TREH: variants seen among roughly 807,000 people sequenced by gnomAD.
TREH encodes trehalase.
In TREH, 69 loss-of-function variants were observed where a neutral mutation model predicts 80.5. The ratio of observed to expected loss-of-function variants is 0.86; its 90% CI spans 0.71 to 1.05. The LOEUF is 1.05. TREH is among the 50% of genes least tolerant of loss of function. The pLI, the probability that TREH is intolerant of heterozygous loss-of-function variation, is 0.00. For synonymous variants in TREH, 309 were observed against 293.5 expected, an observed-to-expected ratio of 1.05 and a Z score of -0.54; for missense variants, 716 against 718.8, an observed-to-expected ratio of 1.00 and a Z score of 0.04.
Position 118,658,143 on chromosome 11 carries a change from A to G in TREH, c.*146T>C, listed in dbSNP as rs1555143415. ...CCAGGAGGGAGCTAGGCCCCTACCC[A>G]TGACCTCCAGGTCGTGACCCTGCCC... is the stretch of plus-strand genomic sequence containing the variant. On this transcript the variant is annotated 3_prime_UTR_variant, in exon 15 of 15. Coordinates refer to ENST00000264029, the MANE Select transcript of TREH (RefSeq NM_007180.3). 2 of 1,165,902 alleles carry G rather than the reference A, an allele frequency of 1.7e-6. No individual in the cohort carries two copies. Among genetic ancestry groups the G allele is most frequent in the Admixed American group, 2.7e-5 (1 of 36,880 alleles). The allele number at this position is 1,165,902 out of a possible 1,614,324, so 72.2% of individuals were successfully genotyped here. A position where few individuals can be genotyped will look rare whatever the true frequency, so the allele number is the denominator to read the frequency against.
intron 4 of TREH, 138 bp downstream of exon 4, chr11:118,662,743 T>G: frequency 2.2e-6 from 2 of 929,900 alleles, no homozygotes; most frequent in Non-Finnish European, 3.3e-6. Flanking sequence ...AGGGCCTCTA[T>G]TTGGGGACCC....
rs554810946 is a variant in TREH at position 118,661,316 on chromosome 11, G to A, written c.735-34C>T. 5.1e-5 allele frequency: 83 copies of A among 1,613,804 alleles called. No homozygotes were observed. The highest frequency in any genetic ancestry group is 3.3e-4 in the Admixed American group (20 of 60,010). On this transcript the variant is annotated intron_variant, in intron 7 of 14. Coordinates refer to ENST00000264029, the MANE Select transcript of TREH (RefSeq NM_007180.3). This position sits in a 1 kb window ranked among gnomAD's most constrained non-coding sequence, Gnocchi z 4.2. ...AAGCAGACAACACCTCAGCCCAGGC[G>A]TGCTGCCCATCCCCAGCCCTGAGAG...
chr11:118,658,834 C>T, intron 13 of TREH, 71 bp downstream of exon 13: 1 of 1,607,804 alleles, frequency 6.2e-7, no homozygotes, highest in Middle Eastern at 1.7e-4. Flanking sequence ...GCCTGCCCAG[C>T]AGCCCCTGCA....
In TREH at chr11:118,662,932, C is replaced by A. The variant is rs781937203; in HGVS notation, c.372G>T (p.Leu124=). The A allele has an allele frequency of 3.1e-6, 5 of 1,610,868 alleles. No homozygotes were observed. The Admixed American group carries it at 5.0e-5, about 16-fold the overall frequency. ...GATGCAGCTGCCCTGCCCAGGCACGCAGTTTGGCATCTGAAATCTTCTGCA... is the reference window on the plus strand; with the variant it reads ...GATGCAGCTGCCCTGCCCAGGCACGAAGTTTGGCATCTGAAATCTTCTGCA... ...QFLQKISDAK[L]RAWAGQLHQL... is the part of the protein sequence containing the mutation. The change falls in exon 4 of 15, where the codon CTG becomes CTT. Residue 124 remains leucine (L), a synonymous_variant. Transcript: ENST00000264029.
intron 1 of TREH, among the ~76,000 whole-genome samples, chr11:118,678,452 A>C (rs7481249): frequency 0.99 from 151,100 of 151,968 alleles, 75,122 homozygotes; most frequent in Middle Eastern, 1. Flanking sequence ...CAACCTCCAC[A>C]TCCCAAGTTC....
chr11:118,677,056 A>G (rs1555146940), intron 1 of TREH, among the ~76,000 whole-genome samples: 1 of 152,266 alleles, frequency 6.6e-6, no homozygotes, highest in Non-Finnish European at 1.5e-5. Flanking sequence ...ATGCTGCCTG[A>G]TAAGTCTTTG....
chr11:118,677,401 T>C (rs1436683827), intron 1 of TREH, among the ~76,000 whole-genome samples: 1 of 152,224 alleles, frequency 6.6e-6, no homozygotes, highest in African/African-American at 2.4e-5. Context: ...TCACCTTTGA[T>C]GGCTTTAACA....
chr11:118,666,038 C>T (rs1329839633), intron 1 of TREH, among the ~76,000 whole-genome samples: 1 of 152,170 alleles, frequency 6.6e-6, no homozygotes, highest in Non-Finnish European at 1.5e-5. Context: ...GAGATCAAGA[C>T]CATCCTGGCC....
intron 1 of TREH, among the ~76,000 whole-genome samples, chr11:118,672,931 G>C (rs1217887923): frequency 7.9e-5 from 12 of 151,962 alleles, no homozygotes; most frequent in African/African-American, 2.9e-4. Context: ...AAAGAAAATG[G>C]TATAGTCATA....
At chr11:118,665,080 G>C (rs1949363883) in intron 1 of TREH, among the ~76,000 whole-genome samples, 1 of 151,684 alleles carries the variant, frequency 6.6e-6, no homozygotes, top group African/African-American at 2.4e-5. Flanking sequence ...CTGCAATCCA[G>C]CTTGGGCAAC....
At chr11:118,660,400 T>C in intron 10 of TREH, 139 bp downstream of exon 10, 1 of 813,228 alleles carries the variant, frequency 1.2e-6, no homozygotes, top group Non-Finnish European at 1.9e-6. Context: ...CAAATGTGAG[T>C]GCAGGCTTCC....
chr11:118,675,664 C>T (rs921864202), intron 1 of TREH, among the ~76,000 whole-genome samples: 5 of 152,126 alleles, frequency 3.3e-5, no homozygotes, highest in African/African-American at 1.2e-4. Context: ...CCTCCTGGCT[C>T]ATCAATGTGT....
Position 118,658,092 on chromosome 11 carries a change from G to A in TREH, c.*197C>T, listed in dbSNP as rs540950810. Reference sequence around the variant, plus strand: ...CTTGGGGATAGGTCTTCCCTCCAGAGCAGGATTTCCACCCTATTCAAGGTT... The same window carrying A: ...CTTGGGGATAGGTCTTCCCTCCAGAACAGGATTTCCACCCTATTCAAGGTT... On this transcript the variant is annotated 3_prime_UTR_variant, in exon 15 of 15. Coordinates refer to ENST00000264029, the MANE Select transcript of TREH (RefSeq NM_007180.3). The A allele has an allele frequency of 6.9e-6, 5 of 721,168 alleles. No individual in the cohort carries two copies. In the African/African-American group the frequency reaches 8.9e-5, roughly 13 times the overall value. The allele number at this position is 721,168 out of a possible 1,614,324, so 44.7% of individuals were successfully genotyped here. A position where few individuals can be genotyped will look rare whatever the true frequency, so the allele number is the denominator to read the frequency against.
At chr11:118,678,259 G>T (rs182518562) in intron 1 of TREH, among the ~76,000 whole-genome samples, 5 of 152,026 alleles carry the variant, frequency 3.3e-5, no homozygotes, top group African/African-American at 1.2e-4. Flanking sequence ...CAGAGACACC[G>T]TCCCTCCCCA....
At chr11:118,679,392 G>C in intron 1 of TREH, 147 bp downstream of exon 1, 1 of 1,092,176 alleles carries the variant, frequency 9.2e-7, no homozygotes, top group Non-Finnish European at 1.2e-6. Flanking sequence ...CTGCTACATA[G>C]GAATTCTCAT....
chr11:118,659,804 G>C lies in TREH; in HGVS notation c.1263C>G (p.Leu421=). 6.3e-7 allele frequency: 1 copy of C among 1,582,016 alleles called. No individual in the cohort carries two copies. Among genetic ancestry groups the C allele is most frequent in the Non-Finnish European group, 8.6e-7 (1 of 1,163,442 alleles). Residue 421 remains leucine, a synonymous_variant, in exon 11 of 15, where the codon CTC becomes CTG. Transcript: ENST00000264029. The part of the protein sequence containing the change: ...REFYPSNLTP[L]WAGCFSDPGV... ...CAGGGTCAGAGAAACACCCGGCCCA[G>C]AGTGGAGTGAGGTTGGATGGGTAAA... is the stretch of plus-strand genomic sequence containing the variant.
At chr11:118,669,736 G>A (rs1555146044) in intron 1 of TREH, among the ~76,000 whole-genome samples, 1 of 152,128 alleles carries the variant, frequency 6.6e-6, no homozygotes, top group Non-Finnish European at 1.5e-5. Context: ...GCAGGGAGGT[G>A]GGGATGGTTA....
At chr11:118,677,902 A>G (rs1388770375) in intron 1 of TREH, among the ~76,000 whole-genome samples, 2 of 152,172 alleles carry the variant, frequency 1.3e-5, no homozygotes, top group African/African-American at 2.4e-5. Flanking sequence ...TCCTCATTAC[A>G]ATTGCTCAGG....
In TREH at chr11:118,660,913, G is replaced by A. The variant is rs1555144843; in HGVS notation, c.860C>T (p.Pro287Leu). ...CTCCACATCTTTGCTGTAGGACTCA[G>A]GCCTGGCAAAGAGGAGAGGTGGGCA... ...RYYVPYGGPR[P>L]ESYSKDVELA... Residue 287 changes from proline to leucine, a missense_variant and splice_region_variant, in exon 9 of 15, where the codon CCT (proline) becomes CTT (leucine). By Grantham distance (98) the Pro-to-Leu change is moderately conservative. Coordinates refer to ENST00000264029, the MANE Select transcript of TREH (RefSeq NM_007180.3). The A allele has an allele frequency of 6.4e-7, 1 of 1,570,992 alleles. No individual in the cohort carries two copies.
Sources: allele counts gnomAD v4.1 joint callset (sites outside exome capture counted in the v4.1 genomes callset), GRCh38; gene constraint gnomAD v4.1.1; non-coding constraint Gnocchi (gnomAD v3.1); transcripts MANE v1.5; gene names NCBI Gene and HGNC (gene_info 2026-07-23, HGNC 2026-07-21).